Variants in PTPRT observed in about 807,000 individuals in gnomAD.
PTPRT encodes the protein receptor-type tyrosine-protein phosphatase T.
Under a neutral mutation model 176.8 loss-of-function variants are expected in PTPRT, and 56 were observed. The observed-to-expected ratio is 0.32, with a 90% CI of 0.26 to 0.40. The LOEUF is 0.40. Among genes scored for constraint, PTPRT ranks in the 10% least tolerant of loss-of-function variants. The pLI is 1.00. For synonymous variants in PTPRT, 783 were observed against 739.0 expected, an observed-to-expected ratio of 1.06 and a Z score of -0.96; for missense variants, 1,540 against 1,908.2, an observed-to-expected ratio of 0.81 and a Z score of 3.60.
chr20:43,018,177 G>A (rs1383975862), intron 1 of PTPRT, among the ~76,000 whole-genome samples: 2 of 152,176 alleles, frequency 1.3e-5, no homozygotes, highest in African/African-American at 2.4e-5. Flanking sequence ...AACCAGCCCA[G>A]GGCCCTTTCC....
At chr20:42,972,762 G>T (rs1419843915) in intron 1 of PTPRT, among the ~76,000 whole-genome samples, 1 of 150,990 alleles carries the variant, frequency 6.6e-6, no homozygotes, top group Non-Finnish European at 1.5e-5. Flanking sequence ...GTTTTAAGCA[G>T]GGAGGTCCAT....
chr20:42,169,032 CT>C (rs1989959535), intron 16 of PTPRT, among the ~76,000 whole-genome samples: 1 of 152,172 alleles, frequency 6.6e-6, no homozygotes, highest in African/African-American at 2.4e-5. Flanking sequence ...CTTTGATAGA[CT>C]TTGTTACTTG....
intron 1 of PTPRT, among the ~76,000 whole-genome samples, chr20:43,080,405 G>C (rs1317954791): frequency 2.0e-5 from 3 of 152,212 alleles, no homozygotes; most frequent in Non-Finnish European, 4.4e-5. Flanking sequence ...TGGAGTTACT[G>C]CTACAGCATA....
At chr20:43,187,390 GAATAA>G (rs1000446156) in intron 1 of PTPRT, among the ~76,000 whole-genome samples, 6 of 151,806 alleles carry the variant, frequency 4.0e-5, no homozygotes, top group Non-Finnish European at 7.4e-5. Context: ...CTGAATTTAG[GAATAA>G]AATAAGATAA....
rs146819950 is a variant in PTPRT at position 42,597,413 on chromosome 20, G to A, written c.1153+80453C>T. ...CGATATGGTTTGGATCTGTGTCCCC[G>A]CCCAAATCTCATGTTTACTTGTAAT... is the stretch of plus-strand genomic sequence containing the variant. On this transcript the variant is annotated intron_variant, in intron 7 of 30. Transcript: ENST00000373187. Among the ~76,000 whole-genome samples the A allele has an allele frequency of 3.5e-4, 53 of 152,148 alleles. No individual in the cohort carries two copies. In the East Asian group the frequency reaches 8.7e-3, roughly 25 times the overall value.
At position 42,081,899 on chromosome 20, in the gene PTPRT, T is replaced by G; in HGVS notation, c.4255A>C (p.Asn1419His). The G allele has an allele frequency of 6.2e-7, 1 of 1,614,222 alleles. No individual in the cohort carries two copies. Residue 1419 changes from asparagine to histidine, a missense_variant, in exon 30 of 31, where the codon AAC becomes CAC. By Grantham distance (68) the Asn-to-His change is moderately conservative. Transcript: ENST00000373187. ...ATACTCACCAGGGTCTCCACCATGTTGGATTTGTTGTTACGCAGTGTTTTC... is the reference window on the plus strand; with the variant it reads ...ATACTCACCAGGGTCTCCACCATGTGGGATTTGTTGTTACGCAGTGTTTTC... ...IVKTLRNNKS[N>H]MVETLEQYKF... is the part of the protein sequence containing the mutation.
intron 7 of PTPRT, among the ~76,000 whole-genome samples, chr20:42,561,179 C>T (rs1024798917): frequency 2.0e-5 from 3 of 152,176 alleles, no homozygotes; most frequent in African/African-American, 7.2e-5. Flanking sequence ...AGATGAACTG[C>T]TCTTGATTCA....
chr20:42,511,200 G>T (rs557686602), intron 7 of PTPRT, among the ~76,000 whole-genome samples: 2 of 152,254 alleles, frequency 1.3e-5, no homozygotes, highest in Admixed American at 1.3e-4. Flanking sequence ...AGACTTCCCA[G>T]TCTCTGGAAC....
At chr20:42,576,395 G>A (rs1326863628) in intron 7 of PTPRT, among the ~76,000 whole-genome samples, 2 of 152,176 alleles carry the variant, frequency 1.3e-5, no homozygotes, top group Non-Finnish European at 2.9e-5. Flanking sequence ...GCAGCACGGT[G>A]CCTGGCCTGC....
chr20:42,431,821 G>T (rs1416792992), intron 9 of PTPRT, among the ~76,000 whole-genome samples: 1 of 152,152 alleles, frequency 6.6e-6, no homozygotes, highest in African/African-American at 2.4e-5. Context: ...CTCTCTAGAT[G>T]ACTTGCTCTA....
intron 7 of PTPRT, among the ~76,000 whole-genome samples, chr20:42,676,119 A>G (rs2146055653): frequency 6.6e-6 from 1 of 152,308 alleles, no homozygotes; most frequent in Admixed American, 6.5e-5. Context: ...TAAGTTTCAG[A>G]TTCTGGAGCA....
intron 1 of PTPRT, among the ~76,000 whole-genome samples, chr20:43,093,226 T>G (rs939076166): frequency 1.3e-5 from 2 of 152,226 alleles, no homozygotes; most frequent in Non-Finnish European, 2.9e-5. Flanking sequence ...GCTTATGAAC[T>G]CTAAACTTCA....
chr20:42,710,684 C>A (rs1473457242), intron 6 of PTPRT, among the ~76,000 whole-genome samples: 1 of 152,234 alleles, frequency 6.6e-6, no homozygotes, highest in Non-Finnish European at 1.5e-5. Flanking sequence ...GGGCTGGAGC[C>A]CCCACAAAGA....
At chr20:42,513,978 C>T (rs926916381) in intron 7 of PTPRT, among the ~76,000 whole-genome samples, 1 of 152,170 alleles carries the variant, frequency 6.6e-6, no homozygotes, top group Admixed American at 6.5e-5. Context: ...CTCACTTTCA[C>T]TGCTGTGTAG....
intron 13 of PTPRT, among the ~76,000 whole-genome samples, chr20:42,254,968 G>C (rs1418083098): frequency 6.6e-6 from 1 of 151,956 alleles, no homozygotes; most frequent in Non-Finnish European, 1.5e-5. Flanking sequence ...ATTATCTTTA[G>C]AGCCATGAGA....
chr20:43,009,110 G>A (rs937063182), intron 1 of PTPRT, among the ~76,000 whole-genome samples: 1 of 152,166 alleles, frequency 6.6e-6, no homozygotes, highest in Non-Finnish European at 1.5e-5. Context: ...AGGGCAAGGA[G>A]CAATGGGAGC....
intron 14 of PTPRT, among the ~76,000 whole-genome samples, chr20:42,243,923 T>C: frequency 6.6e-6 from 1 of 152,332 alleles, no homozygotes; most frequent in East Asian, 1.9e-4. Context: ...ATTATGTCAG[T>C]GTGTGAGCAT....
chr20:42,537,554 G>A lies in PTPRT; in HGVS notation c.1154-64992C>T, dbSNP rs548142952. Among the ~76,000 whole-genome samples the A allele has an allele frequency of 2.6e-5, 4 of 152,246 alleles. No homozygotes were observed. In the South Asian group the frequency reaches 8.3e-4, roughly 32 times the overall value. ...TTGCTGATGATGAAAGTGAGGTTTG[G>A]CTTAAGTGACTTGCTCAGTTAGTAA... On this transcript the variant is annotated intron_variant, in intron 7 of 30. Transcript: ENST00000373187.
Position 42,074,040 on chromosome 20 carries a change from T to C in PTPRT, c.*6839A>G, listed in dbSNP as rs552883234. 4 of 230,264 alleles carry C rather than the reference T, an allele frequency of 1.7e-5. No homozygotes were observed. The highest frequency in any genetic ancestry group is 6.6e-5 in the African/African-American group (3 of 45,312). 14.3% of individuals were successfully genotyped at this position (230,264 alleles called of 1,614,324 possible). On this transcript the variant is annotated 3_prime_UTR_variant, in exon 31 of 31. Coordinates refer to ENST00000373187, the MANE Select transcript of PTPRT (RefSeq NM_007050.6). Reference sequence around the variant, plus strand: ...GAGGAGTGACCTGGGTCTAGCAAACTGTGCTTGACTTCATCCAAGAATCTG... The same window carrying C: ...GAGGAGTGACCTGGGTCTAGCAAACCGTGCTTGACTTCATCCAAGAATCTG...
Sources: gnomAD v4.1 joint callset for allele counts (sites outside exome capture counted in the v4.1 genomes callset) on GRCh38, gnomAD v4.1.1 for gene constraint, MANE v1.5 for transcripts, NCBI Gene and HGNC (gene_info 2026-07-23, HGNC 2026-07-21) for gene names.